The following KCNH7 variants were observed in gnomAD, a reference collection of about 807,000 sequenced individuals.
KCNH7 encodes the protein potassium voltage-gated channel subfamily H member 7, also known as voltage-gated inwardly rectifying potassium channel KCNH7.
In KCNH7, 49 loss-of-function variants were observed where a neutral mutation model predicts 120.8. That is an observed-to-expected ratio of 0.41 (90% CI 0.32 to 0.51). KCNH7 has a LOEUF of 0.51. Among genes scored for constraint, KCNH7 ranks in the 20% least tolerant of loss-of-function variants. The pLI is 0.38. For missense variants in KCNH7, 1,097 were observed against 1,446.6 expected (o/e 0.76, Z 3.92); for synonymous variants, 547 against 516.1 (o/e 1.06, Z -0.81).
At chr2:162,794,215 AAAG>A (rs1338925051) in intron 2 of KCNH7, among the ~76,000 whole-genome samples, 1 of 151,892 alleles carries the variant, frequency 6.6e-6, no homozygotes, top group Non-Finnish European at 1.5e-5. Flanking sequence ...AAAGGAAAAC[AAAG>A]AAGGAAGGAA....
At chr2:162,808,721 T>A (rs1684633661) in intron 2 of KCNH7, among the ~76,000 whole-genome samples, 2 of 151,624 alleles carry the variant, frequency 1.3e-5, no homozygotes, top group African/African-American at 4.8e-5. Flanking sequence ...AACCTGTGTG[T>A]GCATATATAT....
chr2:162,567,385 T>A (rs1693292425), intron 2 of KCNH7, among the ~76,000 whole-genome samples: 2 of 151,574 alleles, frequency 1.3e-5, no homozygotes, highest in African/African-American at 4.8e-5. Context: ...AAATTGGGGG[T>A]TGGAGTTGAG....
chr2:162,463,336 T>G (rs1482884807), intron 6 of KCNH7, among the ~76,000 whole-genome samples: 2 of 151,870 alleles, frequency 1.3e-5, no homozygotes, highest in Non-Finnish European at 2.9e-5. Flanking sequence ...CCCTCTCTCC[T>G]TTTCCTCCTT....
At chr2:162,526,409 C>T (rs183094508) in intron 3 of KCNH7, among the ~76,000 whole-genome samples, 9 of 151,946 alleles carry the variant, frequency 5.9e-5, no homozygotes, top group South Asian at 4.1e-4. Context: ...GGAATTTCCT[C>T]GTCCTAATAA....
chr2:162,505,027 G>A (rs1326533582), intron 5 of KCNH7, among the ~76,000 whole-genome samples: 1 of 151,998 alleles, frequency 6.6e-6, no homozygotes, highest in Middle Eastern at 3.4e-3. Context: ...ATTTAAGAAG[G>A]ACTTACCTAT....
chr2:162,407,849 C>G (rs1687273660), intron 9 of KCNH7, among the ~76,000 whole-genome samples: 1 of 152,042 alleles, frequency 6.6e-6, no homozygotes, highest in Admixed American at 6.6e-5. Context: ...AAAGGAGGTA[C>G]AGTCTACCAG....
chr2:162,450,934 C>A (rs549743969), intron 6 of KCNH7, among the ~76,000 whole-genome samples: 14 of 152,072 alleles, frequency 9.2e-5, no homozygotes, highest in Non-Finnish European at 5.9e-5. Context: ...ATAGATACAT[C>A]TCAGGGTATA....
At chr2:162,791,643 C>A (rs928129552) in intron 2 of KCNH7, among the ~76,000 whole-genome samples, 2 of 151,908 alleles carry the variant, frequency 1.3e-5, no homozygotes, top group African/African-American at 2.4e-5. Flanking sequence ...ATCCCGAGAC[C>A]TTGCTGAAGT....
intron 2 of KCNH7, among the ~76,000 whole-genome samples, chr2:162,824,920 TGAA>T (rs2105601645): frequency 6.6e-6 from 1 of 152,108 alleles, no homozygotes; most frequent in African/African-American, 2.4e-5. Flanking sequence ...TAAAAACTAC[TGAA>T]GAAAAGCTCT....
intron 2 of KCNH7, among the ~76,000 whole-genome samples, chr2:162,669,215 G>A (rs1297168971): frequency 2.6e-5 from 4 of 152,128 alleles, no homozygotes; most frequent in Non-Finnish European, 1.5e-5. Flanking sequence ...AGCATTGAAA[G>A]ATGTGACTGT....
chr2:162,694,832 C>A (rs566151532), intron 2 of KCNH7, among the ~76,000 whole-genome samples: 2 of 151,918 alleles, frequency 1.3e-5, no homozygotes, highest in Non-Finnish European at 1.5e-5. Flanking sequence ...AAACCTCTGC[C>A]TTCTGGGTTC....
chr2:162,517,607 TAGC>T, intron 4 of KCNH7, 120 bp downstream of exon 4: 3 of 829,086 alleles, frequency 3.6e-6, no homozygotes, highest in Non-Finnish European at 5.4e-6. Flanking sequence ...AGGTTTTTAA[TAGC>T]CTTTAATCAC....
intron 2 of KCNH7, among the ~76,000 whole-genome samples, chr2:162,706,336 A>G (rs1295791835): frequency 6.6e-6 from 1 of 152,142 alleles, no homozygotes; most frequent in African/African-American, 2.4e-5. Flanking sequence ...TATGATATGA[A>G]TGATGGTGGT....
intron 2 of KCNH7, among the ~76,000 whole-genome samples, chr2:162,543,439 AC>A (rs1692380054): frequency 6.6e-6 from 1 of 152,074 alleles, no homozygotes; most frequent in African/African-American, 2.4e-5. Flanking sequence ...ATATATATTT[AC>A]CTGTCATTTA....
intron 2 of KCNH7, among the ~76,000 whole-genome samples, chr2:162,808,701 A>C (rs554357925): frequency 6.6e-6 from 1 of 151,974 alleles, no homozygotes; most frequent in Non-Finnish European, 1.5e-5. Flanking sequence ...ATACACACAC[A>C]TGCATATGCA....
At chr2:162,595,887 T>G (rs779202398) in intron 2 of KCNH7, among the ~76,000 whole-genome samples, 2 of 151,196 alleles carry the variant, frequency 1.3e-5, no homozygotes, top group Non-Finnish European at 3.0e-5. Flanking sequence ...ACAAAATCAA[T>G]AAATCAATAG....
chr2:162,682,717 G>A (rs777060202), intron 2 of KCNH7, among the ~76,000 whole-genome samples: 16 of 151,780 alleles, frequency 1.1e-4, no homozygotes, highest in Middle Eastern at 3.4e-3. Context: ...CACAGTAATC[G>A]CTGTTGTAAT....
chr2:162,778,429 A>C (rs540474475), intron 2 of KCNH7, among the ~76,000 whole-genome samples: 1 of 152,140 alleles, frequency 6.6e-6, no homozygotes, highest in Non-Finnish European at 1.5e-5. Context: ...TTAAACTGTC[A>C]AGTAATGCAA....
At chr2:162,464,572 A>G (rs1689249952) in intron 6 of KCNH7, among the ~76,000 whole-genome samples, 1 of 151,986 alleles carries the variant, frequency 6.6e-6, no homozygotes, top group Non-Finnish European at 1.5e-5. Flanking sequence ...GGACTCCTTG[A>G]TTTCCTTATT....
Sources: allele counts gnomAD v4.1 joint callset (sites outside exome capture counted in the v4.1 genomes callset), GRCh38; gene constraint gnomAD v4.1.1; transcripts MANE v1.5; gene names NCBI Gene and HGNC (gene_info 2026-07-23, HGNC 2026-07-21).